Variants in PARD3 observed in about 807,000 individuals in gnomAD.
The protein encoded by PARD3 is partitioning defective 3 homolog.
PARD3 carries 75 observed loss-of-function variants against 155.4 expected under a neutral mutation model. That is an observed-to-expected ratio of 0.48 (90% confidence interval 0.40 to 0.58). PARD3 has a LOEUF of 0.58. Among genes scored for constraint, PARD3 ranks in the 20% least tolerant of loss-of-function variants. The probability of loss-of-function intolerance (pLI) is 0.00; values close to 1 mark genes in which losing one functional copy is unlikely to be tolerated. For synonymous variants in PARD3, 576 were observed against 610.5 expected, an observed-to-expected ratio of 0.94 and a Z score of 0.83; for missense variants, 1,642 against 1,721.7, an observed-to-expected ratio of 0.95 and a Z score of 0.82.
At chr10:34,556,854 T>C (rs1301497311) in intron 2 of PARD3, among the ~76,000 whole-genome samples, 2 of 152,122 alleles carry the variant, frequency 1.3e-5, no homozygotes, top group Non-Finnish European at 1.5e-5. Context: ...TACACCCTCA[T>C]TATGTATAAA....
chr10:34,459,109 A>T (rs568634021), intron 4 of PARD3, among the ~76,000 whole-genome samples: 1 of 152,402 alleles, frequency 6.6e-6, no homozygotes, highest in East Asian at 1.9e-4. Context: ...GAAACAATTT[A>T]AAAACATTTT....
intron 2 of PARD3, among the ~76,000 whole-genome samples, chr10:34,573,730 A>AAAAC (rs1197132914): frequency 9.9e-4 from 36 of 36,336 alleles, no homozygotes; most frequent in South Asian, 3.7e-3. Context: ...CAAACAAACA[A>AAAAC]ACAAAAACAC....
chr10:34,364,902 G>T (rs927684247), intron 12 of PARD3, among the ~76,000 whole-genome samples: 2 of 152,034 alleles, frequency 1.3e-5, no homozygotes, highest in African/African-American at 4.8e-5. Flanking sequence ...AATCTTACTC[G>T]CAAATCAATC....
intron 2 of PARD3, among the ~76,000 whole-genome samples, chr10:34,621,466 G>C (rs200197853): frequency 6.6e-6 from 1 of 152,052 alleles, no homozygotes; most frequent in Non-Finnish European, 1.5e-5. Context: ...CCAAGGTGCC[G>C]GTTGTACAGG....
chr10:34,114,902 G>A (rs528045745), intron 24 of PARD3, among the ~76,000 whole-genome samples: 1 of 152,312 alleles, frequency 6.6e-6, no homozygotes, highest in African/African-American at 2.4e-5. Context: ...ATATAGGATT[G>A]TTTGGTCCTG....
intron 1 of PARD3, among the ~76,000 whole-genome samples, chr10:34,725,911 T>G (rs1029508462): frequency 4.6e-5 from 7 of 151,798 alleles, no homozygotes; most frequent in African/African-American, 1.7e-4. Flanking sequence ...CGTTTGTGTG[T>G]TGTTGTTTTT....
intron 2 of PARD3, among the ~76,000 whole-genome samples, chr10:34,555,484 A>G (rs1460899584): frequency 1.3e-5 from 2 of 152,194 alleles, no homozygotes; most frequent in Non-Finnish European, 2.9e-5. Flanking sequence ...AAAATTTTAT[A>G]TCATAAATAA....
chr10:34,113,383 G>A (rs1946492255), intron 24 of PARD3, among the ~76,000 whole-genome samples: 2 of 152,098 alleles, frequency 1.3e-5, no homozygotes, highest in African/African-American at 4.8e-5. Context: ...CAATGTGGGA[G>A]AACCAATTTT....
intron 24 of PARD3, among the ~76,000 whole-genome samples, chr10:34,113,920 C>A (rs368839780): frequency 5.6e-4 from 86 of 152,268 alleles, no homozygotes; most frequent in African/African-American, 2.0e-3. Context: ...ACTAATAGGT[C>A]CCGGAGGAGT....
At chr10:34,795,920 T>A (rs1208294082) in intron 1 of PARD3, among the ~76,000 whole-genome samples, 1 of 151,932 alleles carries the variant, frequency 6.6e-6, no homozygotes, top group Non-Finnish European at 1.5e-5. Context: ...TAACATAACA[T>A]AAATAAAAAA....
intron 5 of PARD3, among the ~76,000 whole-genome samples, chr10:34,440,520 T>C (rs1390650176): frequency 1.3e-5 from 2 of 152,294 alleles, no homozygotes; most frequent in East Asian, 3.9e-4. Context: ...TTCTCCGTAG[T>C]GCAAGCTCTA....
At chr10:34,380,396 T>C (rs1841706184) in intron 9 of PARD3, among the ~76,000 whole-genome samples, 1 of 152,140 alleles carries the variant, frequency 6.6e-6, no homozygotes, top group African/African-American at 2.4e-5. Context: ...ATAGTCTTTC[T>C]AAATTAGCTT....
At chr10:34,758,901 T>C (rs937792883) in intron 1 of PARD3, among the ~76,000 whole-genome samples, 3 of 152,128 alleles carry the variant, frequency 2.0e-5, no homozygotes, top group Non-Finnish European at 4.4e-5. Context: ...AACGGCTAAA[T>C]TAGGTCATGA....
chr10:34,112,705 G>A (rs865798772), intron 24 of PARD3, among the ~76,000 whole-genome samples: 1 of 152,200 alleles, frequency 6.6e-6, no homozygotes, highest in Non-Finnish European at 1.5e-5. Context: ...TGCATCTCCC[G>A]CAGGAATGAT....
At chr10:34,342,738 A>C (rs1836965910) in intron 15 of PARD3, among the ~76,000 whole-genome samples, 1 of 152,154 alleles carries the variant, frequency 6.6e-6, no homozygotes, top group South Asian at 2.1e-4. Context: ...AAGGAGAAAA[A>C]TTTATTTAAA....
chr10:34,594,070 T>A (rs1564391396), intron 2 of PARD3, among the ~76,000 whole-genome samples: 1 of 152,180 alleles, frequency 6.6e-6, no homozygotes, highest in Non-Finnish European at 1.5e-5. Context: ...CAATTATGAC[T>A]TATGCCTCTC....
chr10:34,140,047 G>T (rs950636045), intron 22 of PARD3, among the ~76,000 whole-genome samples: 4 of 151,858 alleles, frequency 2.6e-5, no homozygotes, highest in Non-Finnish European at 5.9e-5. Context: ...GCAAACACAG[G>T]TTTCTCATTA....
chr10:34,276,387 AG>A (rs1955880726), intron 21 of PARD3, among the ~76,000 whole-genome samples: 1 of 152,180 alleles, frequency 6.6e-6, no homozygotes, highest in African/African-American at 2.4e-5. Flanking sequence ...TCATGCTAAC[AG>A]TCTCTCTTCA....
At chr10:34,541,012 A>G (rs2083571636) in intron 2 of PARD3, among the ~76,000 whole-genome samples, 1 of 152,216 alleles carries the variant, frequency 6.6e-6, no homozygotes, top group Admixed American at 6.5e-5. Context: ...AATTTAAGAT[A>G]TAAGTAAAAT....
Sources: gnomAD v4.1 joint callset for allele counts (sites outside exome capture counted in the v4.1 genomes callset) on GRCh38, gnomAD v4.1.1 for gene constraint, MANE v1.5 for transcripts, NCBI Gene and HGNC (gene_info 2026-07-23, HGNC 2026-07-21) for gene names.